CD80: variants seen among roughly 807,000 people sequenced by gnomAD.
CD80 encodes the protein T-lymphocyte activation antigen CD80.
Under a neutral mutation model 27.1 loss-of-function variants are expected in CD80, and 13 were observed. The observed-to-expected ratio is 0.48, with a 90% CI of 0.31 to 0.76. CD80 has a LOEUF of 0.76. Ranked by LOEUF, CD80 falls within the 30% of genes least tolerant of loss-of-function variation. The pLI, the probability that CD80 is intolerant of heterozygous loss-of-function variation, is 0.04. For synonymous variants in CD80, 125 were observed against 125.5 expected (o/e 1.00, Z 0.03); for missense variants, 277 against 347.9 (o/e 0.80, Z 1.62).
At chr3:119,539,162 T>A (rs527312484) in intron 3 of CD80, among the ~76,000 whole-genome samples, 6 of 152,368 alleles carry the variant, frequency 3.9e-5, no homozygotes, top group African/African-American at 7.2e-5. Flanking sequence ...TTGAATTTTT[T>A]AATTATTTTG....
chr3:119,529,418 G>A (rs981211483), intron 5 of CD80, among the ~76,000 whole-genome samples: 6 of 152,194 alleles, frequency 3.9e-5, no homozygotes, highest in African/African-American at 1.4e-4. Context: ...GGCCATGGAA[G>A]TTGGAATTCA....
chr3:119,554,970 G>A (rs1039713911), intron 2 of CD80, among the ~76,000 whole-genome samples: 6 of 152,148 alleles, frequency 3.9e-5, no homozygotes, highest in African/African-American at 1.4e-4. Flanking sequence ...TCCTTTTAAA[G>A]TTATTTACAC....
chr3:119,527,712 A>G, intron 6 of CD80, 21 bp downstream of exon 6: 1 of 1,408,812 alleles, frequency 7.1e-7, no homozygotes, highest in Non-Finnish European at 1.0e-6. Context: ...CATGTATCCC[A>G]GAAGAGATGA....
At position 119,552,325 on chromosome 3, in the gene CD80, CA is replaced by C. The variant is rs199555677; in HGVS notation, c.100+5303del. ...TGAAACCCCGTCTCTACTAAAAATA[CA>C]AAAAAAATAAATTAGCCAGGCGTGG... On this transcript the variant is annotated intron_variant, in intron 2 of 6. Coordinates refer to ENST00000264246, the MANE Select transcript of CD80 (RefSeq NM_005191.4). Among the ~76,000 whole-genome samples, 9 of 150,962 alleles carry C rather than the reference CA, an allele frequency of 6.0e-5. No individual in the cohort carries two copies. In the South Asian group the frequency reaches 1.0e-3, roughly 17 times the overall value.
intron 4 of CD80, among the ~76,000 whole-genome samples, chr3:119,535,354 T>C (rs149026275): frequency 8.5e-5 from 13 of 152,332 alleles, no homozygotes; most frequent in African/African-American, 2.9e-4. Context: ...GCTATATACT[T>C]ATGTGCAACT....
chr3:119,549,604 C>G (rs931492785), intron 2 of CD80, among the ~76,000 whole-genome samples: 1 of 152,158 alleles, frequency 6.6e-6, no homozygotes, highest in African/African-American at 2.4e-5. Context: ...GCACTAGCAC[C>G]TTTCCATCTC....
Position 119,541,999 on chromosome 3 carries a change from T to C in CD80, c.418+2551A>G, listed in dbSNP as rs1279439095. Among the ~76,000 whole-genome samples, 4 of 152,118 alleles carry C rather than the reference T, an allele frequency of 2.6e-5. No individual in the cohort carries two copies. The East Asian group carries it at 7.8e-4, about 30-fold the overall frequency. ...AGTCTACTTCTCTCTCGGTAGTCCA[T>C]TAGAGGACTACGTACCTAATGTAAT... On this transcript the variant is annotated intron_variant, in intron 3 of 6. Transcript: ENST00000264246.
intron 5 of CD80, among the ~76,000 whole-genome samples, 187 bp from the exon 6 acceptor site, chr3:119,528,028 G>T (rs1273267706): frequency 6.6e-6 from 1 of 152,124 alleles, no homozygotes; most frequent in Non-Finnish European, 1.5e-5. Context: ...AATGCTTGGG[G>T]ATATTTTTGA....
chr3:119,540,121 T>A (rs1257224507), intron 3 of CD80, among the ~76,000 whole-genome samples: 1 of 152,182 alleles, frequency 6.6e-6, no homozygotes, highest in Non-Finnish European at 1.5e-5. Context: ...ATCTAATTTC[T>A]TGTATTTTTA....
At chr3:119,527,924 G>C (rs920223941) in intron 5 of CD80, 83 bp from the exon 6 acceptor site, 6 of 1,193,722 alleles carry the variant, frequency 5.0e-6, no homozygotes, top group Admixed American at 1.8e-5. Flanking sequence ...CTTTAGCAAG[G>C]CTTCAGACTG....
intron 3 of CD80, among the ~76,000 whole-genome samples, chr3:119,544,130 C>A (rs760590849): frequency 6.6e-6 from 1 of 152,052 alleles, no homozygotes; most frequent in Non-Finnish European, 1.5e-5. Flanking sequence ...TCAAGTGATC[C>A]GCCTGCCTTG....
chr3:119,553,721 G>A (rs2082246785), intron 2 of CD80, among the ~76,000 whole-genome samples: 1 of 152,168 alleles, frequency 6.6e-6, no homozygotes, highest in Non-Finnish European at 1.5e-5. Context: ...ACCAAATGAC[G>A]GGACATACAT....
At chr3:119,533,355 T>G (rs537058506) in intron 4 of CD80, among the ~76,000 whole-genome samples, 1 of 151,932 alleles carries the variant, frequency 6.6e-6, no homozygotes, top group South Asian at 2.1e-4. Flanking sequence ...ACAAATTTGG[T>G]GAGACTACAC....
At chr3:119,532,043 A>G (rs4688014) in intron 4 of CD80, among the ~76,000 whole-genome samples, 91,345 of 152,026 alleles carry the variant, frequency 0.6, 29,784 homozygotes, top group East Asian at 0.86. Context: ...CTTCTGTGAC[A>G]CCACATCCTT....
Position 119,537,193 on chromosome 3 carries a change from A to C in CD80, c.644T>G (p.Met215Arg), listed in dbSNP as rs754118265. The change falls in exon 4 of 7, where the codon ATG becomes AGG. Residue 215 changes from methionine (M) to arginine (R), a missense_variant. Met to Arg is a moderately conservative substitution (Grantham distance 91). Transcript: ENST00000264246. ...DFNMTTNHSFMCLIKYGHLRV... is the reference protein window; with the variant it reads ...DFNMTTNHSFRCLIKYGHLRV... Reference sequence around the variant, plus strand: ...TAAATGTCCATACTTGATGAGACACATGAAGCTGTGGTTGGTTGTCATATT... The same window carrying C: ...TAAATGTCCATACTTGATGAGACACCTGAAGCTGTGGTTGGTTGTCATATT... 6.2e-7 allele frequency: 1 copy of C among 1,614,120 alleles called. No homozygotes were observed. Among genetic ancestry groups the C allele is most frequent in the Admixed American group, 1.7e-5 (1 of 60,022 alleles).
At chr3:119,538,613 C>T (rs1319529973) in intron 3 of CD80, among the ~76,000 whole-genome samples, 2 of 152,186 alleles carry the variant, frequency 1.3e-5, no homozygotes, top group Non-Finnish European at 2.9e-5. Flanking sequence ...TCATGTCCTC[C>T]TTTCTGGCCT....
intron 3 of CD80, among the ~76,000 whole-genome samples, chr3:119,540,421 G>A (rs2082161131): frequency 6.6e-6 from 1 of 152,114 alleles, no homozygotes; most frequent in Non-Finnish European, 1.5e-5. Flanking sequence ...AGGAAAAGTT[G>A]GATTTGGTTG....
chr3:119,544,662 C>T lies in CD80; in HGVS notation c.306G>A (p.Val102=), dbSNP rs756974714. The T allele has an allele frequency of 1.2e-6, 2 of 1,614,218 alleles. No homozygotes were observed. The highest frequency in any genetic ancestry group is 2.2e-5 in the East Asian group (1 of 44,888). ...IFDITNNLSI[V]ILALRPSDEG... Reference sequence around the variant, plus strand: ...CGTCAGATGGGCGCAGAGCCAGGATCACAATGGAGAGGTTATTAGTGATAT... The same window carrying T: ...CGTCAGATGGGCGCAGAGCCAGGATTACAATGGAGAGGTTATTAGTGATAT... Residue 102 remains valine (V), a synonymous_variant, in exon 3 of 7, where the codon GTG becomes GTA. Transcript: ENST00000264246.
chr3:119,537,692 C>T (rs1363123165), intron 3 of CD80, among the ~76,000 whole-genome samples: 6 of 152,122 alleles, frequency 3.9e-5, no homozygotes, highest in African/African-American at 1.4e-4. Flanking sequence ...ATCCCAGCTA[C>T]TCGGGAGGCT....
Sources: gnomAD v4.1 joint callset for allele counts (sites outside exome capture counted in the v4.1 genomes callset) on GRCh38, gnomAD v4.1.1 for gene constraint, MANE v1.5 for transcripts, NCBI Gene and HGNC (gene_info 2026-07-23, HGNC 2026-07-21) for gene names.